The following ZNF385D variants were observed in gnomAD, a reference collection of about 807,000 sequenced individuals.
ZNF385D encodes zinc finger protein 659.
In ZNF385D, 15 loss-of-function variants were observed where a neutral mutation model predicts 35.8. The ratio of observed to expected loss-of-function variants is 0.42; its 90% CI spans 0.28 to 0.64. The LOEUF (loss-of-function observed/expected upper bound fraction) is 0.64, where lower values mean the gene tolerates loss of function less well. ZNF385D is among the 30% of genes least tolerant of loss of function. The pLI, the probability that ZNF385D is intolerant of heterozygous loss-of-function variation, is 0.23. For missense variants in ZNF385D, 474 were observed against 494.6 expected, an observed-to-expected ratio of 0.96 and a Z score of 0.39; for synonymous variants, 212 against 186.8, an observed-to-expected ratio of 1.13 and a Z score of -1.10.
At chr3:21,838,327 G>A (rs1038483867) in intron 3 of ZNF385D, among the ~76,000 whole-genome samples, 1 of 152,200 alleles carries the variant, frequency 6.6e-6, no homozygotes, top group Admixed American at 6.5e-5. Context: ...GGATCTGGGA[G>A]ATAAGTATAG....
At chr3:22,080,280 T>C (rs549349361) in intron 3 of ZNF385D, among the ~76,000 whole-genome samples, 1 of 152,232 alleles carries the variant, frequency 6.6e-6, no homozygotes, top group Non-Finnish European at 1.5e-5. Flanking sequence ...TCTAATGATC[T>C]TGTGTCAGTC....
At chr3:21,590,534 G>A (rs191846956) in intron 2 of ZNF385D, among the ~76,000 whole-genome samples, 3 of 150,314 alleles carry the variant, frequency 2.0e-5, no homozygotes, top group African/African-American at 4.9e-5. Flanking sequence ...TATAATGAAC[G>A]TTTGAAAATT....
intron 4 of ZNF385D, among the ~76,000 whole-genome samples, chr3:21,450,956 G>A (rs578223562): frequency 1.3e-5 from 2 of 152,160 alleles, no homozygotes; most frequent in East Asian, 1.9e-4. Context: ...ATTAACTTAA[G>A]TTGAATAGAT....
chr3:22,211,619 TAGAA>T (rs140519015), intron 2 of ZNF385D, among the ~76,000 whole-genome samples: 1 of 151,858 alleles, frequency 6.6e-6, no homozygotes, highest in Admixed American at 6.6e-5. Flanking sequence ...CAAGTCTATA[TAGAA>T]AGAAAGAAAG....
rs748563940 is a variant in ZNF385D at position 21,437,079 on chromosome 3, G to A, written c.564C>T (p.Ser188=). The change falls in exon 5 of 8, where the codon AGC becomes AGT. Residue 188 remains serine, a synonymous_variant. Coordinates refer to ENST00000281523, the MANE Select transcript of ZNF385D (RefSeq NM_024697.3). ...CCTCGGTCTCAGTAGAAGGACATGA[G>A]CTATTGCCAGTGGCTGTCGTTGGGC... The part of the protein sequence containing the change: ...EKSPTTATGN[S]SCPSTETEEE... 1.9e-6 allele frequency: 3 copies of A among 1,614,014 alleles called. No homozygotes were observed. Among genetic ancestry groups the A allele is most frequent in the Admixed American group, 1.7e-5 (1 of 59,992 alleles).
rs1305875948 is a variant in ZNF385D at position 22,244,864 on chromosome 3, A to G, written c.107-75829T>C. Reference sequence around the variant, plus strand: ...TGCTATACAACTTGGGCTGGCATGTACCCAGTCAAATAAACAGAACATCAC... The same window carrying G: ...TGCTATACAACTTGGGCTGGCATGTGCCCAGTCAAATAAACAGAACATCAC... On this transcript the variant is annotated intron_variant, in intron 2 of 5. Coordinates refer to the ZNF385D transcript ENST00000494108. 2.1e-5 allele frequency among the ~76,000 whole-genome samples: 3 copies of G among 142,662 alleles called. 1 individual carries two copies. Among genetic ancestry groups the G allele is most frequent in the African/African-American group, 8.2e-5 (3 of 36,644 alleles). The allele number at this position is 142,662 out of a possible 152,430, so 93.6% of individuals were successfully genotyped here.
At chr3:21,752,318 A>T (rs889982524), upstream of ZNF385D, among the ~76,000 whole-genome samples, 6 of 152,228 alleles carry the variant, frequency 3.9e-5, 1 homozygote, top group South Asian at 1.2e-3. Context: ...TTATGAAATT[A>T]AGAACCAAAT....
intron 2 of ZNF385D, among the ~76,000 whole-genome samples, chr3:21,636,059 C>T (rs1191056215): frequency 2.0e-5 from 3 of 151,852 alleles, no homozygotes; most frequent in African/African-American, 7.3e-5. Context: ...ACTTCCTTTC[C>T]TCTGGGTAGA....
intron 3 of ZNF385D, among the ~76,000 whole-genome samples, chr3:22,026,046 G>A (rs1055900109): frequency 1.2e-4 from 18 of 152,136 alleles, no homozygotes; most frequent in African/African-American, 4.1e-4. Flanking sequence ...AGGCTGACTC[G>A]AGTAGAGCTC....
At chr3:21,990,565 T>C (rs1416952078) in intron 3 of ZNF385D, among the ~76,000 whole-genome samples, 1 of 152,224 alleles carries the variant, frequency 6.6e-6, no homozygotes, top group African/African-American at 2.4e-5. Flanking sequence ...TATCAGTAAT[T>C]ATATTTGTAC....
intron 3 of ZNF385D, among the ~76,000 whole-genome samples, chr3:21,975,149 A>C (rs1703516156): frequency 6.6e-6 from 1 of 152,194 alleles, no homozygotes; most frequent in Admixed American, 6.5e-5. Context: ...CTCTGCCAAG[A>C]TTTGGAAGCA....
chr3:21,684,365 C>CCT (rs373105142), intron 1 of ZNF385D, among the ~76,000 whole-genome samples: 1,226 of 72,844 alleles, frequency 0.017, 90 homozygotes, highest in Middle Eastern at 0.034. Flanking sequence ...TAACTGTTCT[C>CCT]CTCTCTCTCT....
intron 2 of ZNF385D, among the ~76,000 whole-genome samples, chr3:22,188,959 G>A (rs956214371): frequency 6.6e-6 from 1 of 152,086 alleles, no homozygotes; most frequent in East Asian, 1.9e-4. Flanking sequence ...GATTGCTGCT[G>A]AGCAGAGAAT....
intron 3 of ZNF385D, among the ~76,000 whole-genome samples, chr3:21,974,383 A>G (rs12629566): frequency 0.39 from 58,566 of 151,876 alleles, 11,925 homozygotes; most frequent in African/African-American, 0.53. Context: ...ACAAAAGAAT[A>G]AAACTAGACC....
intron 3 of ZNF385D, among the ~76,000 whole-genome samples, chr3:21,911,227 TA>T (rs542534484): frequency 2.6e-5 from 4 of 151,820 alleles, no homozygotes; most frequent in Non-Finnish European, 4.4e-5. Context: ...TGAAATAAGC[TA>T]AAAAAAATTA....
At chr3:22,000,002 C>A (rs1695734899) in intron 3 of ZNF385D, among the ~76,000 whole-genome samples, 1 of 152,070 alleles carries the variant, frequency 6.6e-6, no homozygotes, top group Non-Finnish European at 1.5e-5. Context: ...CAAATAGATT[C>A]AATCCAAAAA....
chr3:21,866,422 C>T (rs1317043822), intron 3 of ZNF385D, among the ~76,000 whole-genome samples: 2 of 152,170 alleles, frequency 1.3e-5, no homozygotes, highest in African/African-American at 4.8e-5. Flanking sequence ...CGATTGCACT[C>T]TCTGTCTTGG....
At chr3:22,025,184 T>C (rs1054230356) in intron 3 of ZNF385D, among the ~76,000 whole-genome samples, 4 of 152,124 alleles carry the variant, frequency 2.6e-5, no homozygotes, top group East Asian at 3.9e-4. Context: ...AGTGGCAACA[T>C]ACCCTCCTCA....
chr3:21,482,311 G>GT (rs906218696), intron 4 of ZNF385D, among the ~76,000 whole-genome samples: 4 of 152,060 alleles, frequency 2.6e-5, no homozygotes, highest in Non-Finnish European at 4.4e-5. Context: ...TCTAAACAAA[G>GT]TTTTTTTGGA....
Sources: gnomAD v4.1 joint callset for allele counts (sites outside exome capture counted in the v4.1 genomes callset) on GRCh38, gnomAD v4.1.1 for gene constraint, MANE v1.5 for transcripts, NCBI Gene and HGNC (gene_info 2026-07-23, HGNC 2026-07-21) for gene names.